Variants in DNAJB14 observed in about 807,000 individuals in gnomAD.
DNAJB14 encodes DnaJ heat shock protein family (Hsp40) member B14.
A neutral mutation model predicts 48.4 loss-of-function variants in DNAJB14; 22 were observed. That is an observed-to-expected ratio of 0.45 (90% CI 0.32 to 0.65). The LOEUF (loss-of-function observed/expected upper bound fraction) is 0.65, where lower values mean the gene tolerates loss of function less well. Ranked by LOEUF, DNAJB14 falls within the 30% of genes least tolerant of loss-of-function variation. DNAJB14 has a pLI of 0.03. For synonymous variants in DNAJB14, 142 were observed against 158.7 expected, an observed-to-expected ratio of 0.89 and a Z score of 0.79; for missense variants, 319 against 458.8, an observed-to-expected ratio of 0.70 and a Z score of 2.78.
Position 99,933,303 on chromosome 4 carries a change from C to CTTTT in DNAJB14, c.134-2686_134-2683dup, listed in dbSNP as rs759298582. On this transcript the variant is annotated intron_variant, in intron 1 of 7. Coordinates refer to ENST00000442697, the MANE Select transcript of DNAJB14 (RefSeq NM_001031723.4). ...TAATGAGAAATATAACATAAACAGT[C>CTTTT]TTTTTTTTTTTTTTTTTTTTTTTGA... Among the ~76,000 whole-genome samples the CTTTT allele has an allele frequency of 7.5e-4, 67 of 88,782 alleles. 1 individual carries two copies. Among genetic ancestry groups the CTTTT allele is most frequent in the East Asian group, 1.5e-3 (4 of 2,618 alleles). 58.2% of individuals were successfully genotyped at this position (88,782 alleles called of 152,430 possible).
chr4:99,938,786 T>G (rs944455530), intron 1 of DNAJB14, among the ~76,000 whole-genome samples: 2 of 152,150 alleles, frequency 1.3e-5, no homozygotes, highest in African/African-American at 4.8e-5. Flanking sequence ...TTTCCAAAAC[T>G]AAATGTACTA....
At chr4:99,906,035 TACC>T in intron 5 of DNAJB14, 1 of 1,309,892 alleles carries the variant, frequency 7.6e-7, no homozygotes, top group Admixed American at 2.5e-5. Flanking sequence ...AACCATTTTT[TACC>T]TTGGATTTGA....
intron 5 of DNAJB14, chr4:99,906,118 T>C: frequency 2.3e-6 from 3 of 1,314,084 alleles, no homozygotes; most frequent in Non-Finnish European, 2.0e-6. Flanking sequence ...TCTAGTGCTC[T>C]TTCCATTTAC....
intron 1 of DNAJB14, among the ~76,000 whole-genome samples, chr4:99,934,222 T>C (rs968980140): frequency 6.6e-6 from 1 of 152,132 alleles, no homozygotes; most frequent in Non-Finnish European, 1.5e-5. Context: ...AAGATCTCAT[T>C]TAGCAAGGTG....
At chr4:99,919,614 A>AAACAAACAAAC (rs769139741) in intron 3 of DNAJB14, among the ~76,000 whole-genome samples, 1 of 124,752 alleles carries the variant, frequency 8.0e-6, no homozygotes, top group Admixed American at 7.6e-5. Context: ...AACAAACAAA[A>AAACAAACAAAC]ACCTAAGCAA....
intron 1 of DNAJB14, among the ~76,000 whole-genome samples, chr4:99,939,976 CTT>C (rs1433858799): frequency 2.0e-5 from 3 of 152,164 alleles, no homozygotes; most frequent in African/African-American, 7.2e-5. Context: ...TTTATCCAAT[CTT>C]ATTTTATGCA....
At chr4:99,938,809 T>C (rs1035168101) in intron 1 of DNAJB14, among the ~76,000 whole-genome samples, 2 of 152,064 alleles carry the variant, frequency 1.3e-5, no homozygotes, top group African/African-American at 4.8e-5. Context: ...ATAAAGGGGC[T>C]CCCACTAACC....
At chr4:99,913,042 T>G (rs1377241447) in intron 3 of DNAJB14, among the ~76,000 whole-genome samples, 1 of 152,256 alleles carries the variant, frequency 6.6e-6, no homozygotes, top group Non-Finnish European at 1.5e-5. Context: ...TATTGTGTCC[T>G]GCAATCTTAC....
intron 3 of DNAJB14, among the ~76,000 whole-genome samples, chr4:99,919,586 AAAAC>A (rs112393273): frequency 5.2e-4 from 78 of 150,792 alleles, no homozygotes; most frequent in East Asian, 3.3e-3. Flanking sequence ...TCCATCTTAA[AAAAC>A]AAACAAACAA....
intron 3 of DNAJB14, among the ~76,000 whole-genome samples, chr4:99,918,277 GTTTATTTTTGAGT>G (rs1210913721): frequency 6.6e-6 from 1 of 151,874 alleles, no homozygotes; most frequent in African/African-American, 2.4e-5. Flanking sequence ...GATAGTTTTT[GTTTATTTTTGAGT>G]TGTAAAATTT....
intron 2 of DNAJB14, chr4:99,925,384 T>G (rs528357729): frequency 2.0e-5 from 3 of 152,262 alleles, no homozygotes; most frequent in Admixed American, 2.0e-4. Flanking sequence ...CTTTCTAAAA[T>G]ATGAAGAATT....
At chr4:99,927,044 G>A (rs1197193058) in intron 2 of DNAJB14, 1 of 152,098 alleles carries the variant, frequency 6.6e-6, no homozygotes, top group Non-Finnish European at 1.5e-5. Flanking sequence ...ACATGTGTTT[G>A]TCACACTTTT....
intron 1 of DNAJB14, among the ~76,000 whole-genome samples, chr4:99,932,100 G>C (rs1427091183): frequency 6.6e-6 from 1 of 152,008 alleles, no homozygotes; most frequent in Non-Finnish European, 1.5e-5. Flanking sequence ...AAATCTTCAT[G>C]ATGTTGATTT....
chr4:99,930,544 C>A lies in DNAJB14; in HGVS notation c.211G>T (p.Asp71Tyr), dbSNP rs773111984. 6.2e-7 allele frequency: 1 copy of A among 1,613,124 alleles called. No individual in the cohort carries two copies. ...TTTGTGCAATTAGGCTTGCTTTGAT[C>A]GCCACTACCTGATGGTTTTCGGCAA... ...PHCRKPSGSG[D>Y]QSKPNCTKDS... Residue 71 changes from aspartate (D) to tyrosine (Y), a missense_variant, in exon 2 of 8, where the codon GAT becomes TAT. This residue lies in a region of DNAJB14 where 116 missense variants were observed against 134.6 expected (regional missense o/e 0.86). Transcript: ENST00000442697.
At chr4:99,939,435 T>C (rs966235162) in intron 1 of DNAJB14, among the ~76,000 whole-genome samples, 97 of 152,212 alleles carry the variant, frequency 6.4e-4, no homozygotes, top group African/African-American at 2.1e-3. Context: ...TGCATGCTAA[T>C]TAGAAGTTAT....
intron 1 of DNAJB14, among the ~76,000 whole-genome samples, chr4:99,937,494 G>A (rs1198218630): frequency 6.6e-5 from 10 of 152,058 alleles, no homozygotes; most frequent in Admixed American, 6.5e-4. Context: ...GGATGCCAAG[G>A]TGGGCTGATC....
intron 3 of DNAJB14, among the ~76,000 whole-genome samples, chr4:99,919,050 G>T (rs1320543328): frequency 2.6e-5 from 4 of 152,190 alleles, no homozygotes; most frequent in African/African-American, 9.6e-5. Context: ...TTACAGCACA[G>T]AGGGGGTGGT....
At chr4:99,915,530 G>C (rs886268376) in intron 3 of DNAJB14, among the ~76,000 whole-genome samples, 3 of 152,198 alleles carry the variant, frequency 2.0e-5, no homozygotes, top group Non-Finnish European at 4.4e-5. Flanking sequence ...CCAAGGACTG[G>C]ACGTTTTCCT....
intron 3 of DNAJB14, among the ~76,000 whole-genome samples, chr4:99,913,069 TCA>T (rs368447117): frequency 1.2e-3 from 176 of 152,354 alleles, no homozygotes; most frequent in African/African-American, 4.1e-3. Context: ...TGCTTTGTAG[TCA>T]CAGTTTTTTC....
Sources: gnomAD v4.1 joint callset for allele counts (sites outside exome capture counted in the v4.1 genomes callset) on GRCh38, gnomAD v4.1.1 for gene constraint, gnomAD v4.1.1 regional missense constraint, MANE v1.5 for transcripts, NCBI Gene and HGNC (gene_info 2026-07-23, HGNC 2026-07-21) for gene names.